Variants in GALNT9 observed in about 807,000 individuals in gnomAD.
GALNT9 encodes the protein polypeptide N-acetylgalactosaminyltransferase 9.
A neutral mutation model predicts 63.1 loss-of-function variants in GALNT9; 47 were observed. That is an observed-to-expected ratio of 0.75 (90% CI 0.59 to 0.95). The LOEUF (loss-of-function observed/expected upper bound fraction) is 0.95. Among genes scored for constraint, GALNT9 ranks in the 40% least tolerant of loss-of-function variants. The pLI, the probability that GALNT9 is intolerant of heterozygous loss-of-function variation, is 0.00. For missense variants in GALNT9, 829 were observed against 874.8 expected, an observed-to-expected ratio of 0.95 and a Z score of 0.66; for synonymous variants, 396 against 365.7, an observed-to-expected ratio of 1.08 and a Z score of -0.94.
intron 6 of GALNT9, among the ~76,000 whole-genome samples, chr12:132,235,568 C>T (rs1877972342): frequency 6.6e-6 from 1 of 152,112 alleles, no homozygotes; most frequent in Admixed American, 6.5e-5. Flanking sequence ...GGGTGGTCAG[C>T]ATGGAGTTGG....
chr12:132,313,536 A>G (rs1433899102), intron 1 of GALNT9, among the ~76,000 whole-genome samples: 1 of 30,324 alleles, frequency 3.3e-5, no homozygotes, highest in Non-Finnish European at 6.0e-5. Flanking sequence ...CCACCCACCC[A>G]TCCACCCACC....
chr12:132,267,568 T>A (rs1354805301), intron 2 of GALNT9, among the ~76,000 whole-genome samples: 1 of 152,152 alleles, frequency 6.6e-6, no homozygotes, highest in African/African-American at 2.4e-5. Context: ...CAAAGCAATC[T>A]TGAAAAAGAA....
chr12:132,265,717 C>T lies in GALNT9; in HGVS notation c.420-3092G>A, dbSNP rs1879570185. 6.6e-6 allele frequency among the ~76,000 whole-genome samples: 1 copy of T among 152,210 alleles called. No homozygotes were observed. Among genetic ancestry groups the T allele is most frequent in the South Asian group, 2.1e-4 (1 of 4,834 alleles). ...TTATTCCTGATGTAGCTTCCCCAAT[C>T]TCCAGCCAGTCAGCACCCAAAGCCC... On this transcript the variant is annotated intron_variant, in intron 2 of 10. Coordinates refer to ENST00000328957, the MANE Select transcript of GALNT9 (RefSeq NM_001122636.2). The surrounding 1 kb of genome is among the most constrained non-coding windows in gnomAD (Gnocchi z 5.3).
intron 2 of GALNT9, among the ~76,000 whole-genome samples, chr12:132,268,481 G>A (rs1390841385): frequency 6.6e-6 from 1 of 152,152 alleles, no homozygotes; most frequent in Non-Finnish European, 1.5e-5. Context: ...TGTGACCTTG[G>A]CTTAAGCAAA....
At chr12:132,227,023 C>T (rs1877721129) in intron 6 of GALNT9, among the ~76,000 whole-genome samples, 2 of 151,050 alleles carry the variant, frequency 1.3e-5, no homozygotes, top group South Asian at 4.2e-4. Flanking sequence ...ACATACACCC[C>T]ATACACACAC....
rs538494134 is a variant in GALNT9 at position 132,296,813 on chromosome 12, G to A, written c.239-10383C>T. On this transcript the variant is annotated intron_variant, in intron 1 of 10. Transcript: ENST00000328957. The surrounding 1 kb of genome is among the most constrained non-coding windows in gnomAD (Gnocchi z 4.2). Reference sequence around the variant, plus strand: ...CTGTGCTGTGTCATCCCATGTGGACGGCGAGAGCACACACGCATTGGGGGC... The same window carrying A: ...CTGTGCTGTGTCATCCCATGTGGACAGCGAGAGCACACACGCATTGGGGGC... Among the ~76,000 whole-genome samples, 18 of 151,810 alleles carry A rather than the reference G, an allele frequency of 1.2e-4. No homozygotes were observed. The highest frequency in any genetic ancestry group is 2.6e-4 in the Admixed American group (4 of 15,254).
At position 132,260,980 on chromosome 12, in the gene GALNT9, GA is replaced by G; in HGVS notation, c.728del (p.Phe243SerfsTer82). 4.5e-6 allele frequency: 7 copies of G among 1,547,574 alleles called. No individual in the cohort carries two copies. Among genetic ancestry groups the G allele is most frequent in the Non-Finnish European group, 6.1e-6 (7 of 1,145,782 alleles). On this transcript the variant is annotated frameshift_variant, in exon 4 of 11. Transcript: ENST00000328957. LOFTEE classifies it high-confidence loss of function. ...TGTTGAACTCGACGTGGGCATCAAAGAAGCCGACGACTGGGGCGGTGGCCGC... is the reference window on the plus strand; with the variant it reads ...TGTTGAACTCGACGTGGGCATCAAAGAGCCGACGACTGGGGCGGTGGCCGC... ...WKAATAPVVG[F>X]FDAHVEFNTG...
intron 8 of GALNT9, among the ~76,000 whole-genome samples, 194 bp from the exon 9 acceptor site, chr12:132,199,463 G>A (rs905775166): frequency 1.3e-5 from 2 of 152,104 alleles, no homozygotes; most frequent in African/African-American, 4.8e-5. Context: ...TGGAGACATG[G>A]AAGTGTCCGC....
In GALNT9 at chr12:132,274,883, C is replaced by A. The variant is rs112168440; in HGVS notation, c.419+11367G>T. 2.5e-3 allele frequency: 385 copies of A among 152,292 alleles called. 1 individual carries two copies. The highest frequency in any genetic ancestry group is 8.8e-3 in the African/African-American group (365 of 41,440). The allele number at this position is 152,292 out of a possible 1,614,324, so 9.4% of individuals were successfully genotyped here. Reference sequence around the variant, plus strand: ...ACACTACACATCTATGAACATACCACGTGCACACAGGATACACCACACACA... The same window carrying A: ...ACACTACACATCTATGAACATACCAAGTGCACACAGGATACACCACACACA... On this transcript the variant is annotated intron_variant, in intron 2 of 10. Coordinates refer to ENST00000328957, the MANE Select transcript of GALNT9 (RefSeq NM_001122636.2).
rs1555245673 is a variant in GALNT9, at chr12:132,316,159, C to A, written c.238+12807G>T. Among the ~76,000 whole-genome samples, 3 of 152,136 alleles carry A rather than the reference C, an allele frequency of 2.0e-5. No homozygotes were observed. The highest frequency in any genetic ancestry group is 7.2e-5 in the African/African-American group (3 of 41,434). ...GAGCTGGCCGCGGGCTGGGAGGCGA[C>A]CCCACAGACCCCAGCGTCCCAGTCC... On this transcript the variant is annotated intron_variant, in intron 1 of 10. Transcript: ENST00000328957. This position sits in a 1 kb window ranked among gnomAD's most constrained non-coding sequence, Gnocchi z 4.3.
At chr12:132,230,443 G>A (rs1055824526) in intron 6 of GALNT9, among the ~76,000 whole-genome samples, 7 of 152,236 alleles carry the variant, frequency 4.6e-5, no homozygotes, top group African/African-American at 1.2e-4. Flanking sequence ...GGCACCTGGC[G>A]TTCGCTGCCA....
At position 132,252,897 on chromosome 12, in the gene GALNT9, C is replaced by A. The variant is rs1482176645; in HGVS notation, c.959+4792G>T. Among the ~76,000 whole-genome samples the A allele has an allele frequency of 7.1e-4, 107 of 151,120 alleles. No homozygotes were observed. The highest frequency in any genetic ancestry group is 2.4e-3 in the African/African-American group (101 of 41,256). ...AAACTGCCTCAAAAAAAAAAAAAGACACGGAGACCAGTAGTGGCCCCGAAC... is the reference window on the plus strand; with the variant it reads ...AAACTGCCTCAAAAAAAAAAAAAGAAACGGAGACCAGTAGTGGCCCCGAAC... On this transcript the variant is annotated intron_variant, in intron 5 of 10. Coordinates refer to ENST00000328957, the MANE Select transcript of GALNT9 (RefSeq NM_001122636.2). This position sits in a 1 kb window ranked among gnomAD's most constrained non-coding sequence, Gnocchi z 5.2.
intron 1 of GALNT9, among the ~76,000 whole-genome samples, chr12:132,323,075 G>A (rs74561047): frequency 0.068 from 10,420 of 152,294 alleles, 603 homozygotes; most frequent in East Asian, 0.21. Context: ...GAGAAAATGG[G>A]CTGCTGACCA....
chr12:132,212,079 G>A (rs1876977083), intron 6 of GALNT9, among the ~76,000 whole-genome samples: 1 of 152,226 alleles, frequency 6.6e-6, no homozygotes, highest in African/African-American at 2.4e-5. Context: ...AGAAAAGACG[G>A]GTGGGGAGTT....
At chr12:132,299,152 C>T (rs1470507657) in intron 1 of GALNT9, among the ~76,000 whole-genome samples, 3 of 99,378 alleles carry the variant, frequency 3.0e-5, no homozygotes, top group South Asian at 3.0e-4. Context: ...CCTAACCCAC[C>T]CCCAACACAC....
At chr12:132,268,895 C>A (rs931912166) in intron 2 of GALNT9, among the ~76,000 whole-genome samples, 1 of 152,230 alleles carries the variant, frequency 6.6e-6, no homozygotes, top group Non-Finnish European at 1.5e-5. Context: ...CGGTGAGGGT[C>A]GCGGAGGGGC....
At position 132,196,480 on chromosome 12, in the gene GALNT9, T is replaced by C. The variant is rs1875514970; in HGVS notation, c.*627A>G. On this transcript the variant is annotated 3_prime_UTR_variant, in exon 11 of 11. Transcript: ENST00000328957. ...GTGGGACCGGGCCCCAACCCCCAGC[T>C]CGGCTCCCAGGAAGACACACACAGT... The C allele has an allele frequency of 1.0e-6, 1 of 985,418 alleles. No homozygotes were observed. The highest frequency in any genetic ancestry group is 1.7e-5 in the African/African-American group (1 of 57,212). The allele number at this position is 985,418 out of a possible 1,614,324, so 61.0% of individuals were successfully genotyped here. A position where few individuals can be genotyped will look rare whatever the true frequency, so the allele number is the denominator to read the frequency against.
intron 6 of GALNT9, among the ~76,000 whole-genome samples, chr12:132,247,070 A>C (rs1181647199): frequency 1.3e-5 from 2 of 152,048 alleles, no homozygotes; most frequent in East Asian, 3.9e-4. Flanking sequence ...ACCAAACGAA[A>C]CTCCAAAATA....
At chr12:132,260,778 G>T (rs956819801) in intron 4 of GALNT9, among the ~76,000 whole-genome samples, 170 bp downstream of exon 4, 1 of 152,240 alleles carries the variant, frequency 6.6e-6, no homozygotes, top group Non-Finnish European at 1.5e-5. Context: ...AGAGGTAACC[G>T]CACAGGTGGA....
Sources: gnomAD v4.1 joint callset for allele counts (sites outside exome capture counted in the v4.1 genomes callset) on GRCh38, gnomAD v4.1.1 for gene constraint, Gnocchi (gnomAD v3.1) non-coding constraint, MANE v1.5 for transcripts, NCBI Gene and HGNC (gene_info 2026-07-23, HGNC 2026-07-21) for gene names.